SCN2A: variants seen among roughly 807,000 people sequenced by gnomAD.
The protein encoded by SCN2A is sodium voltage-gated channel alpha subunit 2, also known as sodium channel protein type 2 subunit alpha.
In SCN2A, 20 loss-of-function variants were observed where a neutral mutation model predicts 188.7. The observed-to-expected ratio is 0.11, with a 90% CI of 0.07 to 0.15. The LOEUF is 0.15. Among genes scored for constraint, SCN2A ranks in the 10% least tolerant of loss-of-function variants. SCN2A has a pLI of 1.00. For missense variants in SCN2A, 1,278 were observed against 2,445.0 expected (o/e 0.52, Z 10.07); for synonymous variants, 804 against 833.1 (o/e 0.97, Z 0.60).
intron 17 of SCN2A, among the ~76,000 whole-genome samples, chr2:165,357,740 G>A (rs12476060): frequency 0.21 from 31,440 of 152,088 alleles, 3,964 homozygotes; most frequent in East Asian, 0.34. Flanking sequence ...GCGATATGGT[G>A]ACCTTCACCG....
chr2:165,293,015 A>G (rs977743932), intron 1 of SCN2A, among the ~76,000 whole-genome samples: 3 of 152,232 alleles, frequency 2.0e-5, no homozygotes, highest in Non-Finnish European at 4.4e-5. Flanking sequence ...AGTGACTTAA[A>G]TCAGAGATAA....
intron 1 of SCN2A, among the ~76,000 whole-genome samples, chr2:165,293,532 A>C (rs1696326217): frequency 6.6e-6 from 1 of 152,182 alleles, no homozygotes; most frequent in Non-Finnish European, 1.5e-5. Context: ...GTGTATCTAA[A>C]CACGTCTAAA....
At chr2:165,269,848 A>G (rs1695029626) in intron 1 of SCN2A, 1 of 152,000 alleles carries the variant, frequency 6.6e-6, no homozygotes. Flanking sequence ...TACATTTATA[A>G]CATCTTATTT....
intron 3 of SCN2A, among the ~76,000 whole-genome samples, chr2:165,299,665 A>G (rs1339148559): frequency 6.6e-6 from 1 of 152,200 alleles, no homozygotes; most frequent in Non-Finnish European, 1.5e-5. Flanking sequence ...TGTAGTTAGT[A>G]ACTGATTTTC....
intron 16 of SCN2A, among the ~76,000 whole-genome samples, chr2:165,352,183 G>A: frequency 6.6e-6 from 1 of 151,972 alleles, no homozygotes; most frequent in Admixed American, 6.5e-5. Context: ...TTCTTCCTTT[G>A]TCTGTTTTTT....
chr2:165,247,146 A>C (rs916315839), intron 1 of SCN2A, among the ~76,000 whole-genome samples: 2 of 152,076 alleles, frequency 1.3e-5, no homozygotes, highest in Non-Finnish European at 2.9e-5. Context: ...ATTCTTTCTT[A>C]CTTACACAAG....
chr2:165,295,082 T>G (rs1342560973), intron 1 of SCN2A, among the ~76,000 whole-genome samples: 3 of 152,172 alleles, frequency 2.0e-5, no homozygotes, highest in Non-Finnish European at 4.4e-5. Context: ...AGACCTCTGA[T>G]GTGGATGACT....
intron 1 of SCN2A, among the ~76,000 whole-genome samples, chr2:165,250,945 C>G (rs1694063237): frequency 6.6e-6 from 1 of 151,910 alleles, no homozygotes; most frequent in Non-Finnish European, 1.5e-5. Flanking sequence ...CCAAAAAAAT[C>G]TGCTTATTAT....
rs1250611021 is a variant in SCN2A, at chr2:165,388,807, T to C, written c.5001T>C (p.Leu1667=). 1.9e-6 allele frequency: 3 copies of C among 1,614,138 alleles called. No individual in the cohort carries two copies. Among genetic ancestry groups the C allele is most frequent in the East Asian group, 2.2e-5 (1 of 44,866 alleles). The change falls in exon 27 of 27, where the codon CTT becomes CTC. Residue 1667 remains leucine (L), a synonymous_variant. Transcript: ENST00000375437. ...CGTTGTTTAACATCGGCCTCCTTCT[T>C]TTCCTGGTCATGTTCATCTACGCCA... ...LPALFNIGLL[L]FLVMFIYAIF...
chr2:165,289,233 T>C (rs1695989388), intron 1 of SCN2A, among the ~76,000 whole-genome samples: 3 of 152,074 alleles, frequency 2.0e-5, no homozygotes, highest in Admixed American at 1.3e-4. Flanking sequence ...ACCCTTATTT[T>C]TTTAAATTGT....
chr2:165,359,872 T>C lies in SCN2A; in HGVS notation c.3399+5201T>C, dbSNP rs566117733. Among the ~76,000 whole-genome samples, 25 of 152,076 alleles carry C rather than the reference T, an allele frequency of 1.6e-4. No individual in the cohort carries two copies. In the South Asian group the frequency reaches 5.2e-3, roughly 32 times the overall value. On this transcript the variant is annotated intron_variant, in intron 17 of 26. Transcript: ENST00000375437. ...CATGACATAAGAGTTCCTTTTGCCATCCGAAGAAAAATATTTAAAATCCTA... is the reference window on the plus strand; with the variant it reads ...CATGACATAAGAGTTCCTTTTGCCACCCGAAGAAAAATATTTAAAATCCTA...
intron 23 of SCN2A, among the ~76,000 whole-genome samples, chr2:165,380,148 C>A (rs954554939): frequency 6.6e-6 from 1 of 151,832 alleles, no homozygotes; most frequent in African/African-American, 2.4e-5. Flanking sequence ...TTAATCTTCA[C>A]AACCACACTA....
chr2:165,328,417 A>C, intron 13 of SCN2A: 1 of 912,980 alleles, frequency 1.1e-6, no homozygotes, highest in Non-Finnish European at 1.3e-6. Context: ...AATCTTTTGA[A>C]GATTGTCTGG....
intron 14 of SCN2A, among the ~76,000 whole-genome samples, chr2:165,340,588 G>A: frequency 6.6e-6 from 1 of 152,152 alleles, no homozygotes; most frequent in Admixed American, 6.5e-5. Context: ...CTAGAGACTA[G>A]GAGGTATGCT....
intron 1 of SCN2A, among the ~76,000 whole-genome samples, chr2:165,287,599 C>G (rs989612800): frequency 1.3e-5 from 2 of 152,044 alleles, no homozygotes; most frequent in African/African-American, 4.8e-5. Flanking sequence ...TAGTAACCAC[C>G]TGACCGTCAT....
In SCN2A at chr2:165,295,917, G is replaced by C; in HGVS notation, c.94G>C (p.Glu32Gln). ...LAAIEQRIAE[E>Q]KAKRPKQERK... ...TGCTATTGAACAACGCATTGCAGAA[G>C]AGAAAGCTAAGAGACCCAAACAGGA... Residue 32 changes from glutamate (E) to glutamine (Q), a missense_variant, in exon 2 of 27, where the codon GAG becomes CAG. Coordinates refer to ENST00000375437, the MANE Select transcript of SCN2A (RefSeq NM_001040142.2). 2 of 1,614,134 alleles carry C rather than the reference G, an allele frequency of 1.2e-6. No homozygotes were observed. Among genetic ancestry groups the C allele is most frequent in the Non-Finnish European group, 1.7e-6 (2 of 1,180,036 alleles).
At chr2:165,362,462 C>A (rs1292446431) in intron 17 of SCN2A, among the ~76,000 whole-genome samples, 1 of 151,918 alleles carries the variant, frequency 6.6e-6, no homozygotes, top group Non-Finnish European at 1.5e-5. Context: ...GTACAGCAAA[C>A]TCTGTTTGAT....
chr2:165,305,952 G>A (rs1697103007), intron 3 of SCN2A, among the ~76,000 whole-genome samples: 1 of 152,064 alleles, frequency 6.6e-6, no homozygotes, highest in Non-Finnish European at 1.5e-5. Context: ...CCAGTAAGGT[G>A]GGAGCCATTA....
At chr2:165,377,570 AAG>A in intron 22 of SCN2A, 25 bp from the exon 23 acceptor site, 1 of 1,588,710 alleles carries the variant, frequency 6.3e-7, no homozygotes, top group Non-Finnish European at 8.6e-7. Context: ...TTTGGGAAAA[AAG>A]AAAATGATAT....
Sources: allele counts gnomAD v4.1 joint callset (sites outside exome capture counted in the v4.1 genomes callset), GRCh38; gene constraint gnomAD v4.1.1; transcripts MANE v1.5; gene names NCBI Gene and HGNC (gene_info 2026-07-23, HGNC 2026-07-21).